The following LYPD6 variants were observed in gnomAD, a reference collection of about 807,000 sequenced individuals.
LYPD6 encodes the protein ly6/PLAUR domain-containing protein 6.
In LYPD6, 15 loss-of-function variants were observed where a neutral mutation model predicts 22.7. The observed-to-expected ratio is 0.66, with a 90% CI of 0.44 to 1.02. The LOEUF is 1.02. Among genes scored for constraint, LYPD6 ranks in the 50% least tolerant of loss-of-function variants. The pLI is 0.00. For synonymous variants in LYPD6, 72 were observed against 77.5 expected, an observed-to-expected ratio of 0.93 and a Z score of 0.37; for missense variants, 189 against 208.4, an observed-to-expected ratio of 0.91 and a Z score of 0.57.
At chr2:149,419,665 G>A (rs77770916) in intron 1 of LYPD6, among the ~76,000 whole-genome samples, 226 of 152,212 alleles carry the variant, frequency 1.5e-3, no homozygotes, top group African/African-American at 4.8e-3. Flanking sequence ...CACTACCTGC[G>A]TGCTCTCATG....
intron 1 of LYPD6, among the ~76,000 whole-genome samples, chr2:149,364,298 T>G (rs1166226866): frequency 2.0e-5 from 3 of 152,180 alleles, no homozygotes; most frequent in Admixed American, 6.5e-5. Context: ...ATGTTACTTA[T>G]TCCTTTAAGA....
intron 1 of LYPD6, among the ~76,000 whole-genome samples, chr2:149,389,710 A>G (rs1682268032): frequency 6.6e-6 from 1 of 152,142 alleles, no homozygotes; most frequent in African/African-American, 2.4e-5. Context: ...CTTTTGTTCA[A>G]GGCAAAGTTG....
intron 1 of LYPD6, among the ~76,000 whole-genome samples, chr2:149,333,279 A>G (rs1680973161): frequency 6.6e-6 from 1 of 152,222 alleles, no homozygotes; most frequent in African/African-American, 2.4e-5. Flanking sequence ...AAGCGTACAG[A>G]TATCTGCCTA....
At chr2:149,458,265 C>T (rs909126061) in intron 3 of LYPD6, among the ~76,000 whole-genome samples, 2 of 152,232 alleles carry the variant, frequency 1.3e-5, no homozygotes, top group Non-Finnish European at 2.9e-5. Flanking sequence ...CAATGGAGAC[C>T]GTGTTAGGGA....
At chr2:149,363,627 C>T (rs1681609708) in intron 1 of LYPD6, among the ~76,000 whole-genome samples, 1 of 152,160 alleles carries the variant, frequency 6.6e-6, no homozygotes, top group Non-Finnish European at 1.5e-5. Context: ...GTGGGCAAGT[C>T]AGCTAACCTA....
intron 1 of LYPD6, among the ~76,000 whole-genome samples, chr2:149,386,588 G>T (rs1035732509): frequency 2.6e-5 from 4 of 152,186 alleles, no homozygotes; most frequent in Non-Finnish European, 5.9e-5. Flanking sequence ...AAACAAAGAG[G>T]TGGTAAGCAC....
intron 1 of LYPD6, among the ~76,000 whole-genome samples, chr2:149,388,971 C>T (rs531763286): frequency 1.4e-4 from 22 of 152,238 alleles, no homozygotes; most frequent in African/African-American, 5.3e-4. Flanking sequence ...AGTTGCCCAA[C>T]AAAATAGGTT....
chr2:149,428,888 T>G (rs147855318), intron 1 of LYPD6, among the ~76,000 whole-genome samples: 8 of 152,356 alleles, frequency 5.3e-5, no homozygotes, highest in African/African-American at 1.4e-4. Flanking sequence ...ATAGGTAACA[T>G]GTCAGTGAGG....
At chr2:149,467,583 A>G (rs1196657) in intron 3 of LYPD6, among the ~76,000 whole-genome samples, 114,177 of 152,012 alleles carry the variant, frequency 0.75, 43,556 homozygotes, top group East Asian at 0.86. Flanking sequence ...GGTGGGGGAG[A>G]GGGGAGGAAT....
At chr2:149,370,356 T>G (rs1681779705) in intron 1 of LYPD6, among the ~76,000 whole-genome samples, 1 of 152,068 alleles carries the variant, frequency 6.6e-6, no homozygotes, top group South Asian at 2.1e-4. Context: ...AGAATCCATA[T>G]GTTGGAACTT....
chr2:149,401,476 C>T (rs1682553923), intron 1 of LYPD6, among the ~76,000 whole-genome samples: 2 of 152,200 alleles, frequency 1.3e-5, no homozygotes, highest in African/African-American at 4.8e-5. Flanking sequence ...GCCATCTCTT[C>T]CAGGAAGCCC....
chr2:149,443,559 T>C (rs888955863), intron 2 of LYPD6, among the ~76,000 whole-genome samples: 4 of 152,338 alleles, frequency 2.6e-5, no homozygotes, highest in East Asian at 1.9e-4. Context: ...TATTTTAAAG[T>C]CCAATCTTTG....
chr2:149,381,234 G>A (rs1443770262), intron 1 of LYPD6, among the ~76,000 whole-genome samples: 1 of 152,186 alleles, frequency 6.6e-6, no homozygotes, highest in Non-Finnish European at 1.5e-5. Context: ...GGAGGATTCT[G>A]TTTTGTTGTT....
In LYPD6 at chr2:149,419,655, C is replaced by T. The variant is rs185096117; in HGVS notation, c.-71-17983C>T. Among the ~76,000 whole-genome samples the T allele has an allele frequency of 1.5e-4, 23 of 152,320 alleles. No homozygotes were observed. The East Asian group carries it at 4.3e-3, about 28-fold the overall frequency. ...AGAGAATCACTGTAGCATTTATCCT[C>T]ACTACCTGCGTGCTCTCATGCACAG... On this transcript the variant is annotated intron_variant, in intron 1 of 4. Coordinates refer to ENST00000334166, the MANE Select transcript of LYPD6 (RefSeq NM_194317.5).
intron 1 of LYPD6, among the ~76,000 whole-genome samples, chr2:149,386,546 G>A (rs1424622870): frequency 6.6e-6 from 1 of 152,186 alleles, no homozygotes; most frequent in African/African-American, 2.4e-5. Flanking sequence ...AACCATGAGA[G>A]CCGTGCATGT....
chr2:149,460,277 G>A (rs1311903816), intron 3 of LYPD6, among the ~76,000 whole-genome samples: 1 of 152,090 alleles, frequency 6.6e-6, no homozygotes, highest in Non-Finnish European at 1.5e-5. Context: ...TATGTCATCT[G>A]TAATAAATTT....
At chr2:149,384,726 T>A (rs1382607904) in intron 1 of LYPD6, among the ~76,000 whole-genome samples, 1 of 152,134 alleles carries the variant, frequency 6.6e-6, no homozygotes, top group Non-Finnish European at 1.5e-5. Flanking sequence ...TTTTTTTATT[T>A]TTTTATTTTA....
chr2:149,470,416 C>T (rs1335060966), intron 4 of LYPD6, among the ~76,000 whole-genome samples: 1 of 152,170 alleles, frequency 6.6e-6, no homozygotes, highest in African/African-American at 2.4e-5. Flanking sequence ...GAAGGCTATA[C>T]ACCTTTGTAA....
Position 149,470,725 on chromosome 2 carries a change from C to G in LYPD6, c.391C>G (p.Leu131Val). Residue 131 changes from leucine (L) to valine (V), a missense_variant, in exon 5 of 5, where the codon CTG (leucine) becomes GTG (valine). By Grantham distance (32) the Leu-to-Val change is conservative (BLOSUM62 1). Coordinates refer to ENST00000334166, the MANE Select transcript of LYPD6 (RefSeq NM_194317.5). ...TGAAGGAAATATCTGTAACTTGCCA[C>G]TGCCCCGAAATGAAACTGATGCCAC... Reference protein sequence around the residue: ...CCEGNICNLPLPRNETDATFA... With the variant: ...CCEGNICNLPVPRNETDATFA... 1 of 1,613,810 alleles carries G rather than the reference C, an allele frequency of 6.2e-7. No homozygotes were observed. The highest frequency in any genetic ancestry group is 1.1e-5 in the South Asian group (1 of 91,034).
Sources: gnomAD v4.1 joint callset for allele counts (sites outside exome capture counted in the v4.1 genomes callset) on GRCh38, gnomAD v4.1.1 for gene constraint, MANE v1.5 for transcripts, NCBI Gene and HGNC (gene_info 2026-07-23, HGNC 2026-07-21) for gene names.